Variants in TP63 observed in about 807,000 individuals in gnomAD.
The protein encoded by TP63 is tumor protein p63.
TP63 carries 17 observed loss-of-function variants against 82.8 expected under a neutral mutation model. The observed-to-expected ratio is 0.21, with a 90% CI of 0.14 to 0.31. TP63 has a LOEUF of 0.31. Among genes scored for constraint, TP63 ranks in the 10% least tolerant of loss-of-function variants. TP63 has a pLI of 1.00. For missense variants in TP63, 648 were observed against 895.3 expected (o/e 0.72, Z 3.52); for synonymous variants, 330 against 321.7 (o/e 1.03, Z -0.28).
Position 189,894,286 on chromosome 3 carries a change from A to G in TP63, c.1827A>G (p.Glu609=), listed in dbSNP as rs147538847. ...TCCTGGACCACCGGCAGCTCCACGA[A>G]TTCTCCTCCCCTTCTCATCTCCTGC... ...KGILDHRQLH[E]FSSPSHLLRT... The change falls in exon 14 of 14, where the codon GAA becomes GAG. Residue 609 remains glutamate, a synonymous_variant. Transcript: ENST00000264731. 93 of 1,613,942 alleles carry G rather than the reference A, an allele frequency of 5.8e-5. No homozygotes were observed. The African/African-American group carries it at 9.9e-4, about 17-fold the overall frequency.
At chr3:189,720,029 C>T (rs78949095) in intron 1 of TP63, among the ~76,000 whole-genome samples, 175 of 152,264 alleles carry the variant, frequency 1.1e-3, no homozygotes, top group African/African-American at 4.0e-3. Context: ...CTCTTCTCTC[C>T]TGCCTTCACA....
intron 3 of TP63, among the ~76,000 whole-genome samples, chr3:189,788,692 A>G (rs1312025063): frequency 6.6e-6 from 1 of 152,056 alleles, no homozygotes; most frequent in Non-Finnish European, 1.5e-5. Flanking sequence ...GGTGCATTTC[A>G]TCTCCACTAA....
chr3:189,875,660 G>T (rs1242557421), intron 10 of TP63, among the ~76,000 whole-genome samples: 1 of 112,674 alleles, frequency 8.9e-6, no homozygotes, highest in Non-Finnish European at 1.7e-5. Flanking sequence ...GCTTGCTGTA[G>T]TTTGATAGTC....
At chr3:189,797,797 G>A (rs1260491816) in intron 3 of TP63, among the ~76,000 whole-genome samples, 3 of 151,990 alleles carry the variant, frequency 2.0e-5, no homozygotes, top group African/African-American at 7.2e-5. Context: ...TCAGAATGGT[G>A]AGACTTCAGA....
At chr3:189,772,058 A>T (rs1302847086) in intron 3 of TP63, among the ~76,000 whole-genome samples, 1 of 152,226 alleles carries the variant, frequency 6.6e-6, no homozygotes, top group East Asian at 1.9e-4. Flanking sequence ...GAAGACAGTT[A>T]AATAAACAAA....
intron 4 of TP63, among the ~76,000 whole-genome samples, chr3:189,837,748 T>C (rs1713361078): frequency 6.6e-6 from 1 of 152,140 alleles, no homozygotes; most frequent in African/African-American, 2.4e-5. Context: ...CCTCTCAGGC[T>C]CAATCAGTCC....
At chr3:189,889,229 A>T (rs1720766815) in intron 11 of TP63, 111 bp from the exon 12 acceptor site, 13 of 1,489,540 alleles carry the variant, frequency 8.7e-6, no homozygotes, top group Non-Finnish European at 1.2e-5. Context: ...ATTAAAAAGG[A>T]AGGCTGGTAG....
At chr3:189,835,915 AAATAATAATAATAATAATAAT>A (rs71711373) in intron 4 of TP63, among the ~76,000 whole-genome samples, 92 of 136,868 alleles carry the variant, frequency 6.7e-4, no homozygotes, top group East Asian at 2.8e-3. Flanking sequence ...CTCCATCTCA[AAATAATAATAATAATAATAAT>A]AATAATAATA....
chr3:189,835,964 A>AATG (rs1244474001), intron 4 of TP63, among the ~76,000 whole-genome samples: 6,614 of 141,438 alleles, frequency 0.047, 502 homozygotes, highest in African/African-American at 0.11. Context: ...TAATAATAAT[A>AATG]ATAATGTAAA....
chr3:189,716,741 T>G (rs747423386), intron 1 of TP63, among the ~76,000 whole-genome samples: 3 of 152,154 alleles, frequency 2.0e-5, no homozygotes, highest in Non-Finnish European at 4.4e-5. Context: ...TTTTTTCAGT[T>G]CATCTACTTC....
upstream of TP63, among the ~76,000 whole-genome samples, chr3:189,630,218 T>A (rs1227843988): frequency 6.6e-6 from 1 of 152,174 alleles, no homozygotes; most frequent in African/African-American, 2.4e-5. Context: ...GTCACCTATT[T>A]ACAGGTGTGT....
At chr3:189,829,884 C>T in intron 4 of TP63, 1 of 385,180 alleles carries the variant, frequency 2.6e-6, no homozygotes, top group East Asian at 1.1e-4. Flanking sequence ...TTTTTTCAAC[C>T]AAGATAAACA....
At chr3:189,622,801 C>G in the TP63 span, among the ~76,000 whole-genome samples, 62,188 of 151,994 alleles carry the variant, frequency 0.41, 13,707 homozygotes, top group Middle Eastern at 0.63. Context: ...TCTTAGCTTC[C>G]TCACACATGA....
chr3:189,628,055 C>A (rs984446750), upstream of TP63, among the ~76,000 whole-genome samples: 5 of 152,052 alleles, frequency 3.3e-5, no homozygotes, highest in African/African-American at 4.8e-5. Context: ...GAATAGCAAG[C>A]CTGCCCTCAA....
intron 1 of TP63, among the ~76,000 whole-genome samples, chr3:189,657,885 C>T (rs897308675): frequency 6.6e-6 from 1 of 152,036 alleles, no homozygotes; most frequent in Admixed American, 6.6e-5. Context: ...AGGGCATATT[C>T]CTTGATTCTA....
intron 4 of TP63, among the ~76,000 whole-genome samples, chr3:189,849,536 G>A (rs1158303900): frequency 6.6e-6 from 1 of 152,060 alleles, no homozygotes; most frequent in Non-Finnish European, 1.5e-5. Flanking sequence ...TGTTGCTGTG[G>A]TAATGTGAGA....
At position 189,674,787 on chromosome 3, in the gene TP63, AC is replaced by A. The variant is rs1246716437; in HGVS notation, c.62+43211del. On this transcript the variant is annotated intron_variant, in intron 1 of 13. Coordinates refer to ENST00000264731, the MANE Select transcript of TP63 (RefSeq NM_003722.5). The stretch of plus-strand genomic sequence containing the variant: ...CTCTATCAATGTGTGGCAGATCTGA[AC>A]TAGCACAGAACTGCCCTCTGCAGCT... Among the ~76,000 whole-genome samples the A allele has an allele frequency of 2.0e-5, 3 of 152,168 alleles. No homozygotes were observed. The East Asian group carries it at 5.8e-4, about 29-fold the overall frequency.
intron 3 of TP63, among the ~76,000 whole-genome samples, chr3:189,774,150 C>T (rs900950477): frequency 1.3e-5 from 2 of 152,046 alleles, no homozygotes; most frequent in African/African-American, 4.8e-5. Context: ...TCTCGATCTC[C>T]TGATCTCGTG....
chr3:189,841,552 T>A (rs571086428), intron 4 of TP63, among the ~76,000 whole-genome samples: 1 of 152,268 alleles, frequency 6.6e-6, no homozygotes, highest in East Asian at 1.9e-4. Flanking sequence ...TTAGAGCAGA[T>A]GTACAAATGA....
Sources: allele counts gnomAD v4.1 joint callset (sites outside exome capture counted in the v4.1 genomes callset), GRCh38; gene constraint gnomAD v4.1.1; transcripts MANE v1.5; gene names NCBI Gene and HGNC (gene_info 2026-07-23, HGNC 2026-07-21).